SGCZ: variants seen among roughly 807,000 people sequenced by gnomAD.
SGCZ encodes sarcoglycan zeta.
In SGCZ, 40 loss-of-function variants were observed where a neutral mutation model predicts 41.3. The observed-to-expected ratio is 0.97, with a 90% CI of 0.75 to 1.26. The LOEUF is 1.26. Among genes scored for constraint, SGCZ ranks in the 50% most tolerant of loss-of-function variants. SGCZ has a pLI of 0.00. For synonymous variants in SGCZ, 206 were observed against 137.5 expected (o/e 1.50, Z -3.49); for missense variants, 552 against 369.8 (o/e 1.49, Z -4.04).
chr8:14,834,162 T>C (rs922575813), intron 1 of SGCZ, among the ~76,000 whole-genome samples: 1 of 152,216 alleles, frequency 6.6e-6, no homozygotes, highest in Non-Finnish European at 1.5e-5. Flanking sequence ...ATTGGTATTT[T>C]GTAATTGATT....
rs537361617 is a variant in SGCZ at position 15,156,915 on chromosome 8, G to T, written c.39+80670C>A. On this transcript the variant is annotated intron_variant, in intron 1 of 7. Transcript: ENST00000382080. ...AGCCGAGCATGCAGCATCGCACTCC[G>T]CCTGGGCAACAAGAGGGAAACTCTG... is the stretch of plus-strand genomic sequence containing the variant. Among the ~76,000 whole-genome samples the T allele has an allele frequency of 8.2e-4, 120 of 146,866 alleles. 2 individuals carry two copies. Among genetic ancestry groups the T allele is most frequent in the African/African-American group, 2.9e-3 (115 of 39,396 alleles).
intron 1 of SGCZ, among the ~76,000 whole-genome samples, chr8:14,734,447 A>G (rs1383066191): frequency 6.6e-6 from 1 of 152,220 alleles, no homozygotes; most frequent in East Asian, 1.9e-4. Context: ...CGAAACTTTT[A>G]TAACAAAGTT....
At chr8:14,482,180 T>A (rs1364435643) in intron 2 of SGCZ, among the ~76,000 whole-genome samples, 2 of 152,168 alleles carry the variant, frequency 1.3e-5, no homozygotes, top group Non-Finnish European at 2.9e-5. Flanking sequence ...CATCCCTGGT[T>A]CTAATATCTA....
intron 1 of SGCZ, among the ~76,000 whole-genome samples, chr8:14,604,373 G>A (rs1437528036): frequency 6.6e-6 from 1 of 152,160 alleles, no homozygotes; most frequent in Non-Finnish European, 1.5e-5. Flanking sequence ...AATTATTGAT[G>A]TCTGCCATGG....
In SGCZ at chr8:14,582,850, G is replaced by A. The variant is rs1432215241; in HGVS notation, c.40-27924C>T. ...AAAGGACATGAACTCATCATTTTTT[G>A]TGGCTGCATAGTATTCCATGGTGTA... On this transcript the variant is annotated intron_variant, in intron 1 of 7. Transcript: ENST00000382080. Among the ~76,000 whole-genome samples, 856 of 150,634 alleles carry A rather than the reference G, an allele frequency of 5.7e-3. 6 individuals are homozygous for A. Among genetic ancestry groups the A allele is most frequent in the African/African-American group, 0.019 (772 of 40,730 alleles).
intron 1 of SGCZ, among the ~76,000 whole-genome samples, chr8:14,866,831 T>C (rs1803949414): frequency 6.6e-6 from 1 of 152,070 alleles, no homozygotes; most frequent in Non-Finnish European, 1.5e-5. Flanking sequence ...TTGGAGTTTG[T>C]TTGTCTCAAA....
rs564234803 is a variant in SGCZ at position 14,864,973 on chromosome 8, C to A, written c.40-310047G>T. Among the ~76,000 whole-genome samples, 7 of 151,964 alleles carry A rather than the reference C, an allele frequency of 4.6e-5. No homozygotes were observed. In the South Asian group the frequency reaches 1.5e-3, roughly 32 times the overall value. ...TTTTTTGAGAAAGGTCTATTCAGAT[C>A]ATTTGCTCAATTTTTAGCCCATTAT... On this transcript the variant is annotated intron_variant, in intron 1 of 7. Transcript: ENST00000382080.
chr8:14,320,369 A>C (rs1302338141), intron 3 of SGCZ, among the ~76,000 whole-genome samples: 2 of 151,770 alleles, frequency 1.3e-5, no homozygotes, highest in African/African-American at 2.4e-5. Flanking sequence ...GGAGATTAGC[A>C]TGTCATGTAA....
At chr8:15,178,926 A>G (rs1426135204) in intron 1 of SGCZ, among the ~76,000 whole-genome samples, 1 of 152,228 alleles carries the variant, frequency 6.6e-6, no homozygotes, top group African/African-American at 2.4e-5. Flanking sequence ...TTGGTTCTAA[A>G]CATAGTGAAG....
intron 1 of SGCZ, among the ~76,000 whole-genome samples, chr8:14,853,272 A>T (rs1803406714): frequency 6.6e-6 from 1 of 152,162 alleles, no homozygotes; most frequent in Non-Finnish European, 1.5e-5. Flanking sequence ...GTGAGGAAAC[A>T]ACTAGGTATT....
At chr8:14,352,845 C>G (rs953483272) in intron 2 of SGCZ, among the ~76,000 whole-genome samples, 5 of 152,048 alleles carry the variant, frequency 3.3e-5, no homozygotes, top group African/African-American at 1.2e-4. Context: ...TTTTAGGTGT[C>G]TTTTAACACC....
chr8:14,211,051 G>A (rs1397164382), intron 4 of SGCZ, among the ~76,000 whole-genome samples: 4 of 152,176 alleles, frequency 2.6e-5, no homozygotes, highest in African/African-American at 9.7e-5. Flanking sequence ...CAAAGGGAAT[G>A]TGCTAGTAAT....
In SGCZ at chr8:14,946,349, C is replaced by T. The variant is rs1368918592; in HGVS notation, c.39+291236G>A. 2.6e-5 allele frequency among the ~76,000 whole-genome samples: 4 copies of T among 151,596 alleles called. No homozygotes were observed. In the East Asian group the frequency reaches 5.9e-4, roughly 23 times the overall value. On this transcript the variant is annotated intron_variant, in intron 1 of 7. Transcript: ENST00000382080. ...TCTCGGAGTGGCCACGTATACTCCT[C>T]GCGCATCACAGAAGGAAACGCTGCT... is the stretch of plus-strand genomic sequence containing the variant.
At chr8:14,521,743 G>T (rs555298023) in intron 2 of SGCZ, among the ~76,000 whole-genome samples, 36 of 152,154 alleles carry the variant, frequency 2.4e-4, no homozygotes, top group Admixed American at 9.8e-4. Context: ...ATTTAGAACG[G>T]CTGTTCCATT....
chr8:14,387,894 G>A (rs1281107006), intron 2 of SGCZ, among the ~76,000 whole-genome samples: 1 of 152,026 alleles, frequency 6.6e-6, no homozygotes, highest in Non-Finnish European at 1.5e-5. Flanking sequence ...ACCCTGAAAT[G>A]AGAGATAATG....
chr8:14,697,736 G>A (rs1461168294), intron 1 of SGCZ, among the ~76,000 whole-genome samples: 1 of 151,812 alleles, frequency 6.6e-6, no homozygotes, highest in Non-Finnish European at 1.5e-5. Context: ...CAAAACTCTG[G>A]ATAACAGAAT....
At chr8:14,454,453 C>A (rs60285615) in intron 2 of SGCZ, among the ~76,000 whole-genome samples, 1 of 151,774 alleles carries the variant, frequency 6.6e-6, no homozygotes, top group Non-Finnish European at 1.5e-5. Flanking sequence ...TCTTCTCATC[C>A]GTTAGATAAA....
intron 1 of SGCZ, among the ~76,000 whole-genome samples, chr8:15,166,757 C>T (rs144111790): frequency 0.014 from 2,088 of 152,290 alleles, 54 homozygotes; most frequent in African/African-American, 0.047. Flanking sequence ...TTGCTATTCA[C>T]AGACAATTGT....
At chr8:15,069,889 G>A (rs1286018930) in intron 1 of SGCZ, among the ~76,000 whole-genome samples, 1 of 151,924 alleles carries the variant, frequency 6.6e-6, no homozygotes, top group Admixed American at 6.6e-5. Context: ...AGAAGTGTGT[G>A]TATGCATATC....
Sources: gnomAD v4.1 joint callset for allele counts (sites outside exome capture counted in the v4.1 genomes callset) on GRCh38, gnomAD v4.1.1 for gene constraint, MANE v1.5 for transcripts, NCBI Gene and HGNC (gene_info 2026-07-23, HGNC 2026-07-21) for gene names.